Variants in ARMC9 observed in about 807,000 individuals in gnomAD.
ARMC9 encodes the protein armadillo repeat containing 9.
ARMC9 carries 94 observed loss-of-function variants against 107.0 expected under a neutral mutation model. The ratio of observed to expected loss-of-function variants is 0.88; its 90% confidence interval spans 0.74 to 1.04. The LOEUF (loss-of-function observed/expected upper bound fraction) is 1.04, where lower values mean the gene tolerates loss of function less well. Ranked by LOEUF, ARMC9 falls within the 50% of genes least tolerant of loss-of-function variation. The probability of loss-of-function intolerance (pLI) is 0.00; values close to 1 mark genes in which losing one functional copy is unlikely to be tolerated. For synonymous variants in ARMC9, 380 were observed against 396.9 expected (o/e 0.96, Z 0.51); for missense variants, 942 against 1,030.1 (o/e 0.91, Z 1.17).
At chr2:231,288,937 C>T (rs1244847037) in intron 17 of ARMC9, among the ~76,000 whole-genome samples, 2 of 152,192 alleles carry the variant, frequency 1.3e-5, no homozygotes, top group Non-Finnish European at 2.9e-5. Context: ...TGATAGCTAG[C>T]TGGAAGGAGC....
intron 13 of ARMC9, 69 bp downstream of exon 13, chr2:231,271,141 A>G (rs944067765): frequency 6.8e-7 from 1 of 1,466,982 alleles, no homozygotes; most frequent in Non-Finnish European, 9.4e-7. Context: ...TTTGAAAATG[A>G]GCGTTCCTCC....
intron 20 of ARMC9, 96 bp from the exon 21 acceptor site, chr2:231,344,879 A>G: frequency 4.4e-6 from 5 of 1,148,620 alleles, no homozygotes; most frequent in Non-Finnish European, 6.4e-6. Context: ...GCTTCTTATC[A>G]TTATAGAGTA....
chr2:231,365,070 C>T (rs1030345284), intron 23 of ARMC9, among the ~76,000 whole-genome samples: 1 of 152,148 alleles, frequency 6.6e-6, no homozygotes, highest in South Asian at 2.1e-4. Context: ...ATGGTGAGCT[C>T]AGCAGCCTGG....
rs748033626 is a variant in ARMC9 at position 231,256,619 on chromosome 2, G to C, written c.913G>C (p.Val305Leu). ...CATGTTACGAGCCTCCTTGGCACCCGTGTAAGTAACTGCTCTTAGGAATTT... is the reference window on the plus strand; with the variant it reads ...CATGTTACGAGCCTCCTTGGCACCCCTGTAAGTAACTGCTCTTAGGAATTT... ...STMLRASLAPVKLKDVPLLPS... is the reference protein window; with the variant it reads ...STMLRASLAPLKLKDVPLLPS... Residue 305 changes from valine (V) to leucine (L), a missense_variant and splice_region_variant, in exon 10 of 25, where the codon GTG (valine) becomes CTG (leucine). Physicochemically the swap from Val to Leu is conservative, Grantham distance 32. Transcript: ENST00000611582. 6.2e-7 allele frequency: 1 copy of C among 1,613,880 alleles called. No homozygotes were observed. The highest frequency in any genetic ancestry group is 1.7e-5 in the Admixed American group (1 of 60,012).
In ARMC9 at chr2:231,259,101, G is replaced by GGGTA; in HGVS notation, c.1026+4_1026+7dup. On this transcript the variant is annotated frameshift_variant and splice_region_variant, in exon 11 of 25. Transcript: ENST00000611582. LOFTEE classifies it high-confidence loss of function. ...GCCTTCTTGTTGCAGGCTCTGCGCT[G>GGGTA]GGTAGGTACCTTTGTCTTAAAGTTA... The GGGTA allele has an allele frequency of 6.2e-7, 1 of 1,611,062 alleles. No homozygotes were observed. The highest frequency in any genetic ancestry group is 1.3e-5 in the African/African-American group (1 of 74,952).
intron 10 of ARMC9, 145 bp downstream of exon 10, chr2:231,256,765 C>T (rs554836218): frequency 1.6e-5 from 13 of 819,530 alleles, no homozygotes; most frequent in African/African-American, 5.1e-5. Context: ...AAAGGAAATA[C>T]GAGTACTTAT....
intron 17 of ARMC9, among the ~76,000 whole-genome samples, chr2:231,283,824 C>T (rs2040393518): frequency 6.6e-6 from 1 of 152,180 alleles, no homozygotes; most frequent in Non-Finnish European, 1.5e-5. Context: ...CCTCCATCTC[C>T]TAGGCTCAAG....
chr2:231,206,136 C>T, intron 1 of ARMC9, 62 bp from the exon 2 acceptor site: 1 of 1,039,666 alleles, frequency 9.6e-7, no homozygotes, highest in Non-Finnish European at 1.5e-6. Flanking sequence ...ACCACAACCA[C>T]CTTTTTGTAG....
intron 7 of ARMC9, among the ~76,000 whole-genome samples, chr2:231,230,583 C>G (rs562625422): frequency 6.6e-6 from 1 of 152,288 alleles, no homozygotes; most frequent in African/African-American, 2.4e-5. Context: ...AGCCTCTCCT[C>G]CTAAGGAGTA....
intron 11 of ARMC9, among the ~76,000 whole-genome samples, chr2:231,261,235 C>A (rs1373866756): frequency 1.3e-5 from 2 of 152,174 alleles, no homozygotes; most frequent in Non-Finnish European, 2.9e-5. Flanking sequence ...TTTTTCATAT[C>A]CCACCTCACA....
intron 23 of ARMC9, among the ~76,000 whole-genome samples, chr2:231,363,336 CAGA>C (rs2045669950): frequency 6.6e-6 from 1 of 152,192 alleles, no homozygotes. Flanking sequence ...GTCTCATACC[CAGA>C]AGAAGAATTG....
rs925743972 is a variant in ARMC9 at position 231,360,526 on chromosome 2, C to T, written c.2132-228C>T. ...GAGCGGCCAGGGTGATCTGAACCTC[C>T]CTGGGCTGTGCCTGTCACCACCAGC... On this transcript the variant is annotated intron_variant, in intron 22 of 24. Transcript: ENST00000611582. The surrounding 1 kb of genome is among the most constrained non-coding windows in gnomAD (Gnocchi z 4.7). 1.3e-5 allele frequency among the ~76,000 whole-genome samples: 2 copies of T among 152,156 alleles called. No homozygotes were observed. Among genetic ancestry groups the T allele is most frequent in the African/African-American group, 2.4e-5 (1 of 41,426 alleles).
At chr2:231,252,276 C>T (rs1295453488) in intron 9 of ARMC9, among the ~76,000 whole-genome samples, 2 of 152,112 alleles carry the variant, frequency 1.3e-5, no homozygotes, top group African/African-American at 4.8e-5. Context: ...TGAGACAGAG[C>T]TTTGCTCTTG....
intron 8 of ARMC9, among the ~76,000 whole-genome samples, chr2:231,236,155 T>C (rs573213938): frequency 6.6e-6 from 1 of 152,216 alleles, no homozygotes; most frequent in South Asian, 2.1e-4. Flanking sequence ...AGCAAAAAAA[T>C]GAGGGGCACG....
Position 231,240,015 on chromosome 2 carries a change from A to G in ARMC9, c.853A>G (p.Ser285Gly). 1.2e-6 allele frequency: 2 copies of G among 1,613,842 alleles called. No individual in the cohort carries two copies. The highest frequency in any genetic ancestry group is 1.7e-6 in the Non-Finnish European group (2 of 1,179,872). Reference sequence around the variant, plus strand: ...CCAGATGCGGCAGAGCCTGGCGCATAGTGTGGACTTCACGAGGCCTGGGAC... The same window carrying G: ...CCAGATGCGGCAGAGCCTGGCGCATGGTGTGGACTTCACGAGGCCTGGGAC... The part of the protein sequence containing the change: ...SNQMRQSLAH[S>G]VDFTRPGTAS... The change falls in exon 9 of 25, where the codon AGT (serine) becomes GGT (glycine). Residue 285 changes from serine (S) to glycine (G), a missense_variant. Ser to Gly is a moderately conservative substitution (Grantham distance 56). Transcript: ENST00000611582.
At chr2:231,251,461 G>A (rs879548276) in intron 9 of ARMC9, among the ~76,000 whole-genome samples, 6 of 152,062 alleles carry the variant, frequency 3.9e-5, no homozygotes, top group African/African-American at 7.2e-5. Flanking sequence ...CACTGCACCC[G>A]GCCTGGCCAC....
chr2:231,333,049 G>C (rs2043849983), intron 20 of ARMC9, among the ~76,000 whole-genome samples: 1 of 152,192 alleles, frequency 6.6e-6, no homozygotes, highest in Non-Finnish European at 1.5e-5. Flanking sequence ...TGCCTGCCAG[G>C]TCCCGTTGCC....
chr2:231,324,814 G>A (rs948168092), intron 19 of ARMC9, among the ~76,000 whole-genome samples: 3 of 151,820 alleles, frequency 2.0e-5, no homozygotes, highest in East Asian at 1.9e-4. Context: ...AGTGACTCAC[G>A]CCTATAACCC....
chr2:231,314,634 A>C (rs1373991746), intron 19 of ARMC9, among the ~76,000 whole-genome samples: 1 of 151,954 alleles, frequency 6.6e-6, no homozygotes, highest in Non-Finnish European at 1.5e-5. Flanking sequence ...GTATTAATCC[A>C]CCCCTCTTCC....
Sources: gnomAD v4.1 joint callset for allele counts (sites outside exome capture counted in the v4.1 genomes callset) on GRCh38, gnomAD v4.1.1 for gene constraint, Gnocchi (gnomAD v3.1) non-coding constraint, MANE v1.5 for transcripts, NCBI Gene and HGNC (gene_info 2026-07-23, HGNC 2026-07-21) for gene names.